The following CNTNAP2 variants were observed in gnomAD, a reference collection of about 807,000 sequenced individuals.
The protein encoded by CNTNAP2 is contactin-associated protein-like 2.
A neutral mutation model predicts 155.2 loss-of-function variants in CNTNAP2; 98 were observed. The observed-to-expected ratio is 0.63, with a 90% CI of 0.54 to 0.75. The LOEUF (loss-of-function observed/expected upper bound fraction) is 0.75, where lower values mean the gene tolerates loss of function less well. CNTNAP2 is among the 30% of genes least tolerant of loss of function. The pLI, the probability that CNTNAP2 is intolerant of heterozygous loss-of-function variation, is 0.00. For missense variants in CNTNAP2, 1,727 were observed against 1,688.1 expected, an observed-to-expected ratio of 1.02 and a Z score of -0.40; for synonymous variants, 651 against 631.2, an observed-to-expected ratio of 1.03 and a Z score of -0.47.
intron 13 of CNTNAP2, among the ~76,000 whole-genome samples, chr7:147,787,813 A>G (rs1797761820): frequency 6.6e-6 from 1 of 152,206 alleles, no homozygotes; most frequent in South Asian, 2.1e-4. Context: ...TATGGAAATT[A>G]GACTGGACTC....
At position 146,181,760 on chromosome 7, in the gene CNTNAP2, C is replaced by T. The variant is rs192157395; in HGVS notation, c.97+64787C>T. ...ATGAATGGAAGTTAAATTTTATAAT[C>T]AGAGCATTTTCTAAGTCTTGTCCCA... On this transcript the variant is annotated intron_variant, in intron 1 of 23. Coordinates refer to ENST00000361727, the MANE Select transcript of CNTNAP2 (RefSeq NM_014141.6). Among the ~76,000 whole-genome samples, 268 of 152,190 alleles carry T rather than the reference C, an allele frequency of 1.8e-3. 6 individuals are homozygous for T. The highest frequency in any genetic ancestry group is 1.1e-3 in the Non-Finnish European group (73 of 67,990).
intron 1 of CNTNAP2, among the ~76,000 whole-genome samples, chr7:146,373,139 T>C (rs570000997): frequency 6.6e-6 from 1 of 152,212 alleles, no homozygotes; most frequent in East Asian, 1.9e-4. Context: ...TCAGGGCAAA[T>C]AGATCCACCT....
intron 3 of CNTNAP2, among the ~76,000 whole-genome samples, chr7:146,972,881 T>G (rs1306443174): frequency 9.2e-5 from 14 of 152,316 alleles, no homozygotes; most frequent in African/African-American, 3.4e-4. Context: ...CTAACACACC[T>G]CAGTCAGAGG....
At chr7:147,301,443 AAAAT>A (rs1188820529) in intron 9 of CNTNAP2, among the ~76,000 whole-genome samples, 3 of 152,166 alleles carry the variant, frequency 2.0e-5, no homozygotes, top group Non-Finnish European at 2.9e-5. Context: ...TGAGATGTAA[AAAAT>A]AAATCACATG....
At chr7:147,449,507 T>A (rs1584954569) in intron 10 of CNTNAP2, among the ~76,000 whole-genome samples, 2 of 152,106 alleles carry the variant, frequency 1.3e-5, no homozygotes, top group African/African-American at 4.8e-5. Context: ...CGATAAGATA[T>A]TATCCAGCTA....
chr7:146,376,797 C>G (rs550416299), intron 1 of CNTNAP2, among the ~76,000 whole-genome samples: 45 of 152,190 alleles, frequency 3.0e-4, no homozygotes, highest in Non-Finnish European at 5.6e-4. Flanking sequence ...TCCATCTGCC[C>G]TCATGAATAG....
chr7:148,064,566 C>G (rs970061567), intron 15 of CNTNAP2, among the ~76,000 whole-genome samples: 1 of 151,032 alleles, frequency 6.6e-6, no homozygotes, highest in African/African-American at 2.4e-5. Flanking sequence ...ATGAATTCAG[C>G]AAAGTTTCAG....
intron 3 of CNTNAP2, among the ~76,000 whole-genome samples, chr7:146,919,545 G>A (rs934946038): frequency 3.3e-5 from 5 of 152,120 alleles, no homozygotes; most frequent in Admixed American, 6.6e-5. Flanking sequence ...ATCCATCTTC[G>A]GGTCTTTCAG....
intron 2 of CNTNAP2, among the ~76,000 whole-genome samples, chr7:146,777,011 TAGAG>T (rs942012342): frequency 8.5e-5 from 13 of 152,104 alleles, no homozygotes; most frequent in Non-Finnish European, 1.3e-4. Flanking sequence ...GGTAGGTAGA[TAGAG>T]AGAAATAGAA....
intron 16 of CNTNAP2, among the ~76,000 whole-genome samples, chr7:148,139,527 A>T (rs1481583438): frequency 6.6e-6 from 1 of 151,966 alleles, no homozygotes; most frequent in Non-Finnish European, 1.5e-5. Context: ...ATTCAATCAC[A>T]TACTTCTTTT....
At chr7:146,895,009 A>G (rs1258686154) in intron 3 of CNTNAP2, among the ~76,000 whole-genome samples, 1 of 152,162 alleles carries the variant, frequency 6.6e-6, no homozygotes, top group African/African-American at 2.4e-5. Context: ...ATAATTATTT[A>G]GCATTTATAT....
intron 1 of CNTNAP2, among the ~76,000 whole-genome samples, chr7:146,684,237 A>G (rs1800554832): frequency 6.6e-6 from 1 of 152,194 alleles, no homozygotes; most frequent in South Asian, 2.1e-4. Flanking sequence ...ATTCCAAAAT[A>G]TAAGATGAGT....
chr7:147,501,365 A>C (rs940447575), intron 11 of CNTNAP2, among the ~76,000 whole-genome samples: 2 of 152,132 alleles, frequency 1.3e-5, no homozygotes, highest in Non-Finnish European at 2.9e-5. Context: ...TCAACAATGC[A>C]CTGAAAGTCG....
At chr7:146,516,057 A>G (rs962311175) in intron 1 of CNTNAP2, among the ~76,000 whole-genome samples, 7 of 151,932 alleles carry the variant, frequency 4.6e-5, no homozygotes, top group African/African-American at 1.4e-4. Flanking sequence ...TTTTTTTTCT[A>G]TGCATTGATC....
chr7:146,660,777 C>G (rs1480004775), intron 1 of CNTNAP2, among the ~76,000 whole-genome samples: 2 of 152,140 alleles, frequency 1.3e-5, no homozygotes, highest in Non-Finnish European at 2.9e-5. Flanking sequence ...TATCTTTTAT[C>G]TTTTACTGAA....
chr7:146,151,355 C>G (rs1300414994), intron 1 of CNTNAP2, among the ~76,000 whole-genome samples: 1 of 151,844 alleles, frequency 6.6e-6, no homozygotes, highest in Non-Finnish European at 1.5e-5. Flanking sequence ...CCTGTACTAA[C>G]TCAAACCTTG....
intron 21 of CNTNAP2, among the ~76,000 whole-genome samples, chr7:148,340,170 A>G (rs1798203663): frequency 6.6e-6 from 1 of 152,218 alleles, no homozygotes; most frequent in Non-Finnish European, 1.5e-5. Flanking sequence ...AGTAGTTGTT[A>G]TAACATTATA....
intron 21 of CNTNAP2, among the ~76,000 whole-genome samples, chr7:148,356,822 G>A (rs1473547659): frequency 2.0e-5 from 3 of 150,910 alleles, no homozygotes; most frequent in Non-Finnish European, 4.4e-5. Context: ...TTGACACTTC[G>A]CTTCAATCTC....
At chr7:147,020,676 T>C (rs1332040181) in intron 3 of CNTNAP2, among the ~76,000 whole-genome samples, 1 of 152,190 alleles carries the variant, frequency 6.6e-6, no homozygotes, top group Non-Finnish European at 1.5e-5. Context: ...CTGACTCCTA[T>C]AATGACCCAG....
Sources: gnomAD v4.1 joint callset for allele counts (sites outside exome capture counted in the v4.1 genomes callset) on GRCh38, gnomAD v4.1.1 for gene constraint, MANE v1.5 for transcripts, NCBI Gene and HGNC (gene_info 2026-07-23, HGNC 2026-07-21) for gene names.